PRPF31: variants seen among roughly 807,000 people sequenced by gnomAD.
The protein encoded by PRPF31 is U4/U6 small nuclear ribonucleoprotein Prp31.
PRPF31 carries 12 observed loss-of-function variants against 60.4 expected under a neutral mutation model. The observed-to-expected ratio is 0.20, with a 90% CI of 0.13 to 0.32. The LOEUF (loss-of-function observed/expected upper bound fraction) is 0.32, where lower values mean the gene tolerates loss of function less well. Among genes scored for constraint, PRPF31 ranks in the 10% least tolerant of loss-of-function variants. PRPF31 has a pLI of 1.00. For missense variants in PRPF31, 431 were observed against 687.1 expected (o/e 0.63, Z 4.17); for synonymous variants, 287 against 287.9 (o/e 1.00, Z 0.03).
chr19:54,129,447 G>A (rs1394996481), intron 13 of PRPF31, 77 bp downstream of exon 13: 57 of 1,494,124 alleles, frequency 3.8e-5, no homozygotes, highest in Non-Finnish European at 4.7e-5. Flanking sequence ...CTGTGAAGAA[G>A]GCCAGGATGA....
In PRPF31 at chr19:54,122,483, C is replaced by G. The variant is rs2073816675; in HGVS notation, c.323-14C>G. ...TCCATCTCACCCGACAACCTCCTGT[C>G]CCGTTTACCCTAGACATCATCCATA... On this transcript the variant is annotated splice_polypyrimidine_tract_variant and intron_variant, in intron 4 of 13. Transcript: ENST00000321030. The G allele has an allele frequency of 1.3e-6, 2 of 1,599,198 alleles. No individual in the cohort carries two copies. Among genetic ancestry groups the G allele is most frequent in the African/African-American group, 2.7e-5 (2 of 74,706 alleles).
In PRPF31 at chr19:54,122,486, G is replaced by A. The variant is rs777653030; in HGVS notation, c.323-11G>A. 3.7e-5 allele frequency: 59 copies of A among 1,605,816 alleles called. No individual in the cohort carries two copies. The highest frequency in any genetic ancestry group is 4.6e-5 in the Non-Finnish European group (54 of 1,172,592). On this transcript the variant is annotated splice_polypyrimidine_tract_variant and intron_variant, in intron 4 of 13. Coordinates refer to ENST00000321030, the MANE Select transcript of PRPF31 (RefSeq NM_015629.4). ...ATCTCACCCGACAACCTCCTGTCCC[G>A]TTTACCCTAGACATCATCCATAAGT...
chr19:54,121,565 T>TGA (rs1477369478), intron 3 of PRPF31, among the ~76,000 whole-genome samples: 2 of 152,088 alleles, frequency 1.3e-5, no homozygotes, highest in Non-Finnish European at 1.5e-5. Flanking sequence ...GGGGAGGCCC[T>TGA]GAATGTCAGT....
intron 8 of PRPF31, chr19:54,125,010 C>G (rs2073885562): frequency 2.3e-6 from 1 of 425,932 alleles, no homozygotes; most frequent in Admixed American, 3.6e-5. Flanking sequence ...GCAACTGCTC[C>G]GAAGACCACC....
rs374615158 is a variant in PRPF31 at position 54,129,510 on chromosome 19, G to A, written c.1374+140G>A. ...TGTGGTGACGAGGTATGCAGAGGAC[G>A]TAGACAGCTCCTGGCACACAGGAAG... On this transcript the variant is annotated intron_variant, in intron 13 of 13. Transcript: ENST00000321030. 102 of 1,076,408 alleles carry A rather than the reference G, an allele frequency of 9.5e-5. No homozygotes were observed. The South Asian group carries it at 1.2e-3, about 13-fold the overall frequency. The allele number at this position is 1,076,408 out of a possible 1,614,324, so 66.7% of individuals were successfully genotyped here.
chr19:54,123,083 G>C, intron 5 of PRPF31: 1 of 473,740 alleles, frequency 2.1e-6, no homozygotes. Context: ...GAGAGGAGGA[G>C]GTCCCCACGC....
At chr19:54,122,086 T>C in intron 4 of PRPF31, 143 bp downstream of exon 4, 1 of 901,024 alleles carries the variant, frequency 1.1e-6, no homozygotes, top group Non-Finnish European at 1.8e-6. Flanking sequence ...GTGGCTGAAA[T>C]AAGAAGGAAG....
chr19:54,124,529 A>T lies in PRPF31; in HGVS notation c.728A>T (p.Lys243Met), dbSNP rs1486461444. 1 of 1,610,420 alleles carries T rather than the reference A, an allele frequency of 6.2e-7. No homozygotes were observed. The highest frequency in any genetic ancestry group is 1.3e-5 in the African/African-American group (1 of 74,760). Residue 243 changes from lysine to methionine, a missense_variant, in exon 8 of 14, where the codon AAG (lysine) becomes ATG (methionine). Lys to Met is a moderately conservative substitution (Grantham distance 95). Transcript: ENST00000321030. ...GVAGGLTNLS[K>M]MPACNIMLLG... ...GCCGGCGGCCTGACCAACCTCTCCA[A>T]GATGCCCGCCTGCAACATCATGCTG... is the stretch of plus-strand genomic sequence containing the variant.
In PRPF31 at chr19:54,122,072, C is replaced by G. The variant is rs587652488; in HGVS notation, c.322+129C>G. 2.7e-5 allele frequency: 26 copies of G among 975,836 alleles called. No homozygotes were observed. The African/African-American group carries it at 3.5e-4, about 13-fold the overall frequency. The allele number at this position is 975,836 out of a possible 1,614,324, so 60.4% of individuals were successfully genotyped here. On this transcript the variant is annotated intron_variant, in intron 4 of 13. Coordinates refer to ENST00000321030, the MANE Select transcript of PRPF31 (RefSeq NM_015629.4). ...TCAGATCGAGGTTGACCTGCTGTCA[C>G]AGAGTGGCTGAAATAAGAAGGAAGT...
At chr19:54,118,670 GTC>G in intron 3 of PRPF31, 37 bp downstream of exon 3, 1 of 1,608,850 alleles carries the variant, frequency 6.2e-7, no homozygotes, top group Non-Finnish European at 8.5e-7. Flanking sequence ...CCCATCTCCT[GTC>G]TCTCCTGCCA....
At chr19:54,126,808 G>A (rs2073933197) in intron 9 of PRPF31, among the ~76,000 whole-genome samples, 191 bp downstream of exon 9, 2 of 152,188 alleles carry the variant, frequency 1.3e-5, no homozygotes, top group Admixed American at 6.5e-5. Flanking sequence ...TCTGCTGTTG[G>A]AAGGTAGCAT....
chr19:54,117,682 A>AC (rs1254370754), intron 1 of PRPF31, among the ~76,000 whole-genome samples: 1 of 136,614 alleles, frequency 7.3e-6, no homozygotes, highest in Non-Finnish European at 1.6e-5. Context: ...CCTTGACTCT[A>AC]CAAAAAAAAA....
chr19:54,130,624 CAAA>C (rs766640833), intron 13 of PRPF31, among the ~76,000 whole-genome samples: 2 of 96,158 alleles, frequency 2.1e-5, no homozygotes, highest in Admixed American at 1.2e-4. Context: ...GACTCTGTCT[CAAA>C]AAAAAAAAAA....
At chr19:54,125,969 C>T (rs587640846) in intron 8 of PRPF31, among the ~76,000 whole-genome samples, 12 of 152,358 alleles carry the variant, frequency 7.9e-5, no homozygotes, top group South Asian at 2.1e-4. Flanking sequence ...CATCTCACAT[C>T]GGTCCAGGCA....
intron 5 of PRPF31, chr19:54,122,948 T>A (rs1285447819): frequency 2.1e-6 from 1 of 476,214 alleles, no homozygotes; most frequent in Non-Finnish European, 3.9e-6. Context: ...AGGGAACAAG[T>A]GGGGAGGAAG....
At chr19:54,121,756 C>T (rs1285639943) in intron 3 of PRPF31, 104 bp from the exon 4 acceptor site, 5 of 1,110,614 alleles carry the variant, frequency 4.5e-6, no homozygotes, top group Admixed American at 4.0e-5. Context: ...TTCAGCCCCT[C>T]CTTCCTGACC....
chr19:54,118,161 G>A, intron 1 of PRPF31, 110 bp from the exon 2 acceptor site: 2 of 1,472,178 alleles, frequency 1.4e-6, no homozygotes, highest in East Asian at 2.3e-5. Flanking sequence ...CTGCATGCTA[G>A]TGGGGTTGAT....
intron 5 of PRPF31, 88 bp downstream of exon 5, chr19:54,122,682 C>G: frequency 1.9e-6 from 2 of 1,053,374 alleles, no homozygotes; most frequent in Non-Finnish European, 3.0e-6. Flanking sequence ...GCCTGAGGGT[C>G]TGGAGACGAT....
At chr19:54,124,446 A>C (rs2073869269) in intron 7 of PRPF31, 53 bp from the exon 8 acceptor site, 7 of 1,309,536 alleles carry the variant, frequency 5.3e-6, no homozygotes, top group Admixed American at 1.8e-5. Context: ...ACTCACCCCC[A>C]CCTCTCTGCT....
Sources: allele counts gnomAD v4.1 joint callset (sites outside exome capture counted in the v4.1 genomes callset), GRCh38; gene constraint gnomAD v4.1.1; transcripts MANE v1.5; gene names NCBI Gene and HGNC (gene_info 2026-07-23, HGNC 2026-07-21).